SDK1: variants seen among roughly 807,000 people sequenced by gnomAD.
SDK1 encodes sidekick cell adhesion molecule 1.
In SDK1, 157 loss-of-function variants were observed where a neutral mutation model predicts 245.5. The ratio of observed to expected loss-of-function variants is 0.64; its 90% CI spans 0.56 to 0.73. The LOEUF is 0.73. Ranked by LOEUF, SDK1 falls within the 30% of genes least tolerant of loss-of-function variation. The pLI, the probability that SDK1 is intolerant of heterozygous loss-of-function variation, is 0.00. For missense variants in SDK1, 3,583 were observed against 3,002.3 expected, an observed-to-expected ratio of 1.19 and a Z score of -4.52; for synonymous variants, 1,647 against 1,278.5, an observed-to-expected ratio of 1.29 and a Z score of -6.15.
intron 5 of SDK1, among the ~76,000 whole-genome samples, chr7:3,881,399 C>G (rs1003722432): frequency 6.6e-6 from 1 of 151,848 alleles, no homozygotes; most frequent in Non-Finnish European, 1.5e-5. Flanking sequence ...TAACGTCTTC[C>G]AGCTCCTTCT....
chr7:4,227,644 C>A (rs993308005), intron 40 of SDK1, among the ~76,000 whole-genome samples: 1 of 152,210 alleles, frequency 6.6e-6, no homozygotes, highest in Non-Finnish European at 1.5e-5. Flanking sequence ...CAGTGAATGA[C>A]GGTTTCATTC....
chr7:4,154,126 C>G (rs1424373972), intron 30 of SDK1, among the ~76,000 whole-genome samples: 1 of 152,208 alleles, frequency 6.6e-6, no homozygotes, highest in Non-Finnish European at 1.5e-5. Flanking sequence ...ATTTAAAAGA[C>G]TCTGCATTTA....
chr7:4,106,504 G>A (rs1005988519), intron 22 of SDK1, among the ~76,000 whole-genome samples: 1 of 152,012 alleles, frequency 6.6e-6, no homozygotes, highest in Non-Finnish European at 1.5e-5. Flanking sequence ...CACCATGTTG[G>A]CCAGGATGGT....
At chr7:3,640,446 CT>C (rs942336570) in intron 3 of SDK1, among the ~76,000 whole-genome samples, 3 of 152,050 alleles carry the variant, frequency 2.0e-5, no homozygotes, top group African/African-American at 7.2e-5. Context: ...ATGTTTGATG[CT>C]TTTTAAAATC....
At chr7:3,933,981 T>C (rs1225279159) in intron 5 of SDK1, among the ~76,000 whole-genome samples, 1 of 152,200 alleles carries the variant, frequency 6.6e-6, no homozygotes, top group Non-Finnish European at 1.5e-5. Flanking sequence ...TGTTTGGTGT[T>C]GTTCCTGTTA....
intron 34 of SDK1, among the ~76,000 whole-genome samples, chr7:4,176,219 G>T (rs1173129230): frequency 6.7e-6 from 1 of 150,072 alleles, no homozygotes; most frequent in Admixed American, 6.7e-5. Flanking sequence ...CTGGAGTGCA[G>T]TGGCACGATC....
chr7:3,456,167 G>C (rs535098568), intron 1 of SDK1, among the ~76,000 whole-genome samples: 19 of 152,210 alleles, frequency 1.2e-4, no homozygotes, highest in African/African-American at 4.3e-4. Context: ...TTTTTCTTCA[G>C]TTTTTATTAA....
In SDK1 at chr7:4,227,240, C is replaced by T. The variant is rs1377100394; in HGVS notation, c.5827+5876C>T. 2.2e-5 allele frequency: 8 copies of T among 367,260 alleles called. No homozygotes were observed. The East Asian group carries it at 2.3e-4, about 11-fold the overall frequency. The allele number at this position is 367,260 out of a possible 1,614,324, so 22.8% of individuals were successfully genotyped here. A position where few individuals can be genotyped will look rare whatever the true frequency, so the allele number is the denominator to read the frequency against. On this transcript the variant is annotated intron_variant, in intron 40 of 44. Coordinates refer to ENST00000404826, the MANE Select transcript of SDK1 (RefSeq NM_152744.4). ...CTGTTGCCATGGCTCTGATGGTGCC[C>T]GGTCCCCTCATGTGCTGCTTGTCTT...
intron 5 of SDK1, among the ~76,000 whole-genome samples, chr7:3,905,363 T>TG (rs1334452665): frequency 3.3e-5 from 5 of 152,226 alleles, no homozygotes; most frequent in African/African-American, 1.2e-4. Flanking sequence ...AATGATAGTC[T>TG]GGATGTATAT....
At chr7:3,819,737 A>C (rs927710187) in intron 4 of SDK1, among the ~76,000 whole-genome samples, 1 of 152,196 alleles carries the variant, frequency 6.6e-6, no homozygotes. Context: ...GAAGTAAGTC[A>C]TAGAGACCTC....
intron 4 of SDK1, among the ~76,000 whole-genome samples, chr7:3,772,217 G>A (rs1780424334): frequency 6.6e-6 from 1 of 151,082 alleles, no homozygotes; most frequent in Non-Finnish European, 1.5e-5. Flanking sequence ...GTGTTTAGTT[G>A]ATTTTGTGTA....
chr7:3,670,101 C>A (rs562609665), intron 4 of SDK1, among the ~76,000 whole-genome samples: 2 of 152,304 alleles, frequency 1.3e-5, no homozygotes, highest in African/African-American at 2.4e-5. Flanking sequence ...CAAACTCTTG[C>A]CTCTTTCATT....
chr7:3,668,806 A>C (rs1783611679), intron 4 of SDK1, among the ~76,000 whole-genome samples: 1 of 152,160 alleles, frequency 6.6e-6, no homozygotes, highest in African/African-American at 2.4e-5. Flanking sequence ...AAACAAAACA[A>C]AATACTATAT....
At chr7:3,504,262 T>C (rs978520838) in intron 1 of SDK1, among the ~76,000 whole-genome samples, 11 of 149,670 alleles carry the variant, frequency 7.3e-5, no homozygotes, top group Non-Finnish European at 1.5e-4. Context: ...CTGCTGTTGT[T>C]GTCGTTGTTG....
intron 44 of SDK1, among the ~76,000 whole-genome samples, chr7:4,250,275 C>T (rs1350866381): frequency 6.6e-6 from 1 of 152,130 alleles, no homozygotes; most frequent in Non-Finnish European, 1.5e-5. Flanking sequence ...TAAAATCTGA[C>T]TTCAGAACTT....
chr7:3,627,389 C>CA (rs1782154787), intron 2 of SDK1, among the ~76,000 whole-genome samples: 4 of 152,166 alleles, frequency 2.6e-5, no homozygotes, highest in Admixed American at 2.6e-4. Flanking sequence ...CAATTCTGTG[C>CA]AGGCTGCCAC....
Position 4,127,387 on chromosome 7 carries a change from C to T in SDK1, c.3830C>T (p.Ser1277Leu), listed in dbSNP as rs1784459742. Residue 1277 changes from serine to leucine, a missense_variant, in exon 26 of 45, where the codon TCA becomes TTA. Coordinates refer to ENST00000404826, the MANE Select transcript of SDK1 (RefSeq NM_152744.4). ...VRGRTRESVP[S>L]AAPENVSAEA... ...CTTCATTGGTTCTTTGCAGTTCCTT[C>T]AGCCGCCCCTGAGAACGTGTCAGCC... 1 of 1,613,830 alleles carries T rather than the reference C, an allele frequency of 6.2e-7. No homozygotes were observed.
intron 4 of SDK1, among the ~76,000 whole-genome samples, chr7:3,663,131 GT>G (rs1783417894): frequency 6.6e-6 from 1 of 152,148 alleles, no homozygotes; most frequent in South Asian, 2.1e-4. Flanking sequence ...AACAAAATCT[GT>G]TTTCAATGGT....
intron 1 of SDK1, among the ~76,000 whole-genome samples, chr7:3,488,044 T>C (rs1057070397): frequency 6.6e-6 from 1 of 152,210 alleles, no homozygotes; most frequent in Non-Finnish European, 1.5e-5. Flanking sequence ...TAGAGGCTTG[T>C]TTCCCCCACA....
Sources: allele counts gnomAD v4.1 joint callset (sites outside exome capture counted in the v4.1 genomes callset), GRCh38; gene constraint gnomAD v4.1.1; transcripts MANE v1.5; gene names NCBI Gene and HGNC (gene_info 2026-07-23, HGNC 2026-07-21).